ATXN7L1: variants seen among roughly 807,000 people sequenced by gnomAD.
ATXN7L1 encodes ataxin 7 like 1, also known as ataxin-7-like protein 1.
Under a neutral mutation model 70.8 loss-of-function variants are expected in ATXN7L1, and 15 were observed. The observed-to-expected ratio is 0.21, with a 90% CI of 0.14 to 0.33. The LOEUF (loss-of-function observed/expected upper bound fraction) is 0.33. Ranked by LOEUF, ATXN7L1 falls within the 10% of genes least tolerant of loss-of-function variation. The pLI is 1.00. For synonymous variants in ATXN7L1, 440 were observed against 445.1 expected (o/e 0.99, Z 0.14); for missense variants, 975 against 1,097.1 (o/e 0.89, Z 1.57).
In ATXN7L1 at chr7:105,834,803, C is replaced by T. The variant is rs896074060; in HGVS notation, c.250+41009G>A. Among the ~76,000 whole-genome samples, 16 of 152,086 alleles carry T rather than the reference C, an allele frequency of 1.1e-4. No homozygotes were observed. The East Asian group carries it at 1.3e-3, about 13-fold the overall frequency. On this transcript the variant is annotated intron_variant, in intron 2 of 11. Transcript: ENST00000419735. The stretch of plus-strand genomic sequence containing the variant: ...ACGAATCCTGCCACACTGCTGAGAA[C>T]GGGGAGAGGTACTCTTCTTTACAGG...
intron 2 of ATXN7L1, among the ~76,000 whole-genome samples, chr7:105,791,146 A>C (rs1365943458): frequency 6.6e-6 from 1 of 152,242 alleles, no homozygotes; most frequent in Non-Finnish European, 1.5e-5. Context: ...CCTATGATTG[A>C]AAGAGTGGAC....
rs1172122263 is a variant in ATXN7L1, at chr7:105,704,060, C to T, written c.356-38772G>A. Among the ~76,000 whole-genome samples, 3 of 152,180 alleles carry T rather than the reference C, an allele frequency of 2.0e-5. No homozygotes were observed. In the East Asian group the frequency reaches 5.8e-4, roughly 29 times the overall value. ...CACATCTATCTTTTACAACCTTTTACGCTGGCAACTGTGTCCTACCAGAGA... is the reference window on the plus strand; with the variant it reads ...CACATCTATCTTTTACAACCTTTTATGCTGGCAACTGTGTCCTACCAGAGA... On this transcript the variant is annotated intron_variant, in intron 3 of 11. Transcript: ENST00000419735.
intron 4 of ATXN7L1, among the ~76,000 whole-genome samples, chr7:105,647,632 C>T (rs1018137301): frequency 2.0e-5 from 3 of 152,178 alleles, no homozygotes; most frequent in Admixed American, 1.3e-4. Flanking sequence ...GGCAACAGAG[C>T]GAGACTCCGT....
intron 3 of ATXN7L1, among the ~76,000 whole-genome samples, chr7:105,696,264 A>G (rs1238508324): frequency 6.6e-6 from 1 of 152,208 alleles, no homozygotes; most frequent in Non-Finnish European, 1.5e-5. Flanking sequence ...AGTGCTTCCC[A>G]CTGCTAGTGA....
intron 3 of ATXN7L1, among the ~76,000 whole-genome samples, chr7:105,742,981 C>T (rs1210562702): frequency 6.6e-6 from 1 of 152,090 alleles, no homozygotes; most frequent in Non-Finnish European, 1.5e-5. Context: ...ATCTCCCCAG[C>T]CAAAATCAGG....
At chr7:105,665,756 G>A (rs1802513484) in intron 3 of ATXN7L1, among the ~76,000 whole-genome samples, 1 of 152,154 alleles carries the variant, frequency 6.6e-6, no homozygotes, top group African/African-American at 2.4e-5. Flanking sequence ...AAAGTAAGAC[G>A]GACCAGCAGG....
chr7:105,799,093 G>T (rs1171232467), intron 2 of ATXN7L1, among the ~76,000 whole-genome samples: 3 of 152,226 alleles, frequency 2.0e-5, no homozygotes, highest in Non-Finnish European at 4.4e-5. Context: ...ACAGCATTCT[G>T]AGAGATTTCT....
intron 4 of ATXN7L1, among the ~76,000 whole-genome samples, chr7:105,657,064 C>A (rs1294749216): frequency 1.3e-5 from 2 of 152,146 alleles, no homozygotes; most frequent in Non-Finnish European, 2.9e-5. Flanking sequence ...TAAATCTAAT[C>A]TAAGGGCCAC....
intron 3 of ATXN7L1, among the ~76,000 whole-genome samples, chr7:105,672,293 C>G (rs1370874139): frequency 6.6e-6 from 1 of 151,750 alleles, no homozygotes; most frequent in Non-Finnish European, 1.5e-5. Flanking sequence ...CCCCTGCCCC[C>G]CCCAAAAAAG....
rs1172116074 is a variant in ATXN7L1 at position 105,733,955 on chromosome 7, TC to T, written c.355+54648del. Among the ~76,000 whole-genome samples, 1,100 of 150,538 alleles carry T rather than the reference TC, an allele frequency of 7.3e-3. 32 individuals are homozygous for T. The highest frequency in any genetic ancestry group is 0.026 in the African/African-American group (1,059 of 40,962). ...CATCATCCATCCATCCATCCATCCA[TC>T]CATCCATCCATCCATCCATCCATGC... On this transcript the variant is annotated intron_variant, in intron 3 of 11. Transcript: ENST00000419735.
chr7:105,783,708 G>T (rs1803865731), intron 3 of ATXN7L1, among the ~76,000 whole-genome samples: 1 of 152,122 alleles, frequency 6.6e-6, no homozygotes, highest in Non-Finnish European at 1.5e-5. Context: ...ATCTCTGACT[G>T]TTCATTTATA....
At chr7:105,759,944 C>T (rs937076587) in intron 3 of ATXN7L1, among the ~76,000 whole-genome samples, 9 of 152,094 alleles carry the variant, frequency 5.9e-5, no homozygotes, top group Non-Finnish European at 1.3e-4. Context: ...CATGAAAAGG[C>T]TGAGGAGGAA....
intron 2 of ATXN7L1, among the ~76,000 whole-genome samples, chr7:105,830,017 C>G (rs796950756): frequency 7.9e-5 from 12 of 152,200 alleles, no homozygotes; most frequent in African/African-American, 2.9e-4. Context: ...TGGGGACACA[C>G]GAAGTGGCTC....
At chr7:105,823,277 C>T (rs1414906588) in intron 2 of ATXN7L1, among the ~76,000 whole-genome samples, 5 of 152,018 alleles carry the variant, frequency 3.3e-5, no homozygotes, top group African/African-American at 7.3e-5. Context: ...AAGGCTATTC[C>T]GGTGCTTTGC....
At chr7:105,610,159 A>C (rs948942755) in intron 11 of ATXN7L1, among the ~76,000 whole-genome samples, 1 of 152,212 alleles carries the variant, frequency 6.6e-6, no homozygotes, top group Non-Finnish European at 1.5e-5. Context: ...GAATGAAAAA[A>C]ACTGAGACTC....
At chr7:105,639,779 C>G (rs940384605) in intron 5 of ATXN7L1, among the ~76,000 whole-genome samples, 5 of 152,228 alleles carry the variant, frequency 3.3e-5, no homozygotes, top group African/African-American at 1.2e-4. Flanking sequence ...CCCCTCTGAA[C>G]CCAGAGTTCC....
chr7:105,745,422 C>T (rs751992879), intron 3 of ATXN7L1, among the ~76,000 whole-genome samples: 5 of 152,122 alleles, frequency 3.3e-5, no homozygotes, highest in Non-Finnish European at 7.4e-5. Flanking sequence ...TCATGTGGGC[C>T]GTGTACGGGA....
intron 4 of ATXN7L1, among the ~76,000 whole-genome samples, chr7:105,646,716 C>A (rs1288237303): frequency 6.7e-6 from 1 of 150,008 alleles, no homozygotes; most frequent in African/African-American, 2.5e-5. Flanking sequence ...CTGCTCCCAG[C>A]CGAGGCCAGG....
At chr7:105,654,360 G>A (rs188134225) in intron 4 of ATXN7L1, among the ~76,000 whole-genome samples, 14 of 152,378 alleles carry the variant, frequency 9.2e-5, no homozygotes, top group African/African-American at 2.9e-4. Context: ...ATGCACTCAC[G>A]TGCAATACCG....
Sources: allele counts gnomAD v4.1 joint callset (sites outside exome capture counted in the v4.1 genomes callset), GRCh38; gene constraint gnomAD v4.1.1; transcripts MANE v1.5; gene names NCBI Gene and HGNC (gene_info 2026-07-23, HGNC 2026-07-21).